The following SPTAN1 variants were observed in gnomAD, a reference collection of about 807,000 sequenced individuals.
SPTAN1 encodes the protein spectrin alpha chain, non-erythrocytic 1.
In SPTAN1, 61 loss-of-function variants were observed where a neutral mutation model predicts 331.3. That is an observed-to-expected ratio of 0.18 (90% CI 0.15 to 0.23). SPTAN1 has a LOEUF of 0.23. SPTAN1 is among the 10% of genes least tolerant of loss of function. The pLI is 1.00. For synonymous variants in SPTAN1, 1,153 were observed against 1,173.9 expected, an observed-to-expected ratio of 0.98 and a Z score of 0.36; for missense variants, 2,043 against 3,147.9, an observed-to-expected ratio of 0.65 and a Z score of 8.40.
At chr9:128,628,481 A>G in intron 51 of SPTAN1, 1 of 315,184 alleles carries the variant, frequency 3.2e-6, no homozygotes, top group South Asian at 2.7e-5. Context: ...GTCCGCCCTA[A>G]TAGAAGGCAA....
chr9:128,586,469 C>A (rs1852650654), intron 19 of SPTAN1, among the ~76,000 whole-genome samples: 1 of 152,000 alleles, frequency 6.6e-6, no homozygotes, highest in Non-Finnish European at 1.5e-5. Context: ...GTAATCATAC[C>A]TAAAGGAGAG....
intron 45 of SPTAN1, chr9:128,621,600 C>T (rs1857865319): frequency 2.7e-6 from 1 of 376,316 alleles, no homozygotes; most frequent in African/African-American, 2.1e-5. Flanking sequence ...ACCCATAAAG[C>T]CCCACCCTGA....
At chr9:128,592,950 C>G in intron 22 of SPTAN1, 33 bp from the exon 23 acceptor site, 2 of 1,587,660 alleles carry the variant, frequency 1.3e-6, no homozygotes, top group African/African-American at 2.7e-5. Flanking sequence ...CCCACTAATT[C>G]GTGCATGCTT....
chr9:128,628,215 G>A, intron 51 of SPTAN1: 1 of 622,502 alleles, frequency 1.6e-6, no homozygotes, highest in Non-Finnish European at 3.0e-6. Context: ...GGAAGGTGAT[G>A]AAGCACGAAG....
chr9:128,591,005 C>T (rs1027900615), intron 21 of SPTAN1, among the ~76,000 whole-genome samples: 1 of 152,120 alleles, frequency 6.6e-6, no homozygotes, highest in Non-Finnish European at 1.5e-5. Context: ...GCAGGTATGG[C>T]AGGTGAGGAA....
At position 128,617,724 on chromosome 9, in the gene SPTAN1, G is replaced by A; in HGVS notation, c.5442G>A (p.Leu1814=). The A allele has an allele frequency of 6.2e-7, 1 of 1,614,160 alleles. No individual in the cohort carries two copies. Among genetic ancestry groups the A allele is most frequent in the Non-Finnish European group, 8.5e-7 (1 of 1,180,030 alleles). ...VQNLRKKHKR[L]EAELAAHEPA... ...ACCTGAGGAAGAAGCACAAGCGGCT[G>A]GAAGCAGAACTGGCTGCGCATGAGC... is the stretch of plus-strand genomic sequence containing the variant. The change falls in exon 42 of 57, where the codon CTG becomes CTA. Residue 1814 remains leucine, a synonymous_variant. Coordinates refer to ENST00000372739, the MANE Select transcript of SPTAN1 (RefSeq NM_001130438.3).
At chr9:128,566,419 T>C (rs1467370375) in intron 1 of SPTAN1, among the ~76,000 whole-genome samples, 3 of 152,172 alleles carry the variant, frequency 2.0e-5, no homozygotes, top group Non-Finnish European at 4.4e-5. Flanking sequence ...CTGTTTCCTC[T>C]GAATCCTTGA....
At position 128,632,751 on chromosome 9, in the gene SPTAN1, C is replaced by T. The variant is rs1859983364; in HGVS notation, c.7160+33C>T. 10 of 1,613,942 alleles carry T rather than the reference C, an allele frequency of 6.2e-6. No homozygotes were observed. The South Asian group carries it at 1.1e-4, about 18-fold the overall frequency. On this transcript the variant is annotated intron_variant, in intron 55 of 56. Coordinates refer to ENST00000372739, the MANE Select transcript of SPTAN1 (RefSeq NM_001130438.3). ...AATTAAGGCCAGGTGCTGTGAGCCT[C>T]TGCCCGGGGCACCCACCTGCCCTCC...
At chr9:128,591,045 T>A (rs1319476004) in intron 21 of SPTAN1, among the ~76,000 whole-genome samples, 2 of 127,942 alleles carry the variant, frequency 1.6e-5, no homozygotes, top group Non-Finnish European at 3.3e-5. Context: ...TTATAGAAAG[T>A]GATTTTAATA....
At chr9:128,557,508 A>G (rs1325109534) in intron 1 of SPTAN1, among the ~76,000 whole-genome samples, 2 of 151,920 alleles carry the variant, frequency 1.3e-5, no homozygotes, top group African/African-American at 4.9e-5. Context: ...CTGCCTGTAC[A>G]AGAAGATAGA....
chr9:128,591,827 TCCA>T (rs1324443292), intron 22 of SPTAN1, among the ~76,000 whole-genome samples: 1 of 152,226 alleles, frequency 6.6e-6, no homozygotes, highest in Non-Finnish European at 1.5e-5. Context: ...TTGTTTTTTT[TCCA>T]CCAGTGTTCA....
At chr9:128,632,527 G>A (rs781471335) in intron 54 of SPTAN1, 43 bp downstream of exon 54, 91 of 1,614,000 alleles carry the variant, frequency 5.6e-5, no homozygotes, top group Middle Eastern at 1.6e-4. Context: ...GGGGGTGTTC[G>A]GCAGCAGGGC....
chr9:128,586,413 A>G (rs1213960199), intron 19 of SPTAN1, among the ~76,000 whole-genome samples: 1 of 152,148 alleles, frequency 6.6e-6, no homozygotes, highest in Non-Finnish European at 1.5e-5. Context: ...GATGATAGGA[A>G]TGAACCACCC....
At chr9:128,598,822 G>T (rs1299622394) in intron 25 of SPTAN1, 141 bp from the exon 26 acceptor site, 8 of 772,124 alleles carry the variant, frequency 1.0e-5, no homozygotes, top group Non-Finnish European at 1.8e-5. Context: ...AATACTTGAA[G>T]CTCTGCTGGA....
intron 12 of SPTAN1, among the ~76,000 whole-genome samples, chr9:128,582,146 T>C (rs1440198139): frequency 6.6e-6 from 1 of 152,202 alleles, no homozygotes; most frequent in Admixed American, 6.5e-5. Flanking sequence ...TCAGGGTTAA[T>C]ATTAAGAGGT....
At position 128,633,634 on chromosome 9, in the gene SPTAN1, AAGAC is replaced by A. The variant is rs1260509330; in HGVS notation, c.*302_*305del. On this transcript the variant is annotated 3_prime_UTR_variant, in exon 57 of 57. Transcript: ENST00000372739. ...CTCCCCCAAATCTGTTTTCATGTAA[AAGAC>A]AAATAAATGATGACTTCCCCCAAAG... 1.2e-5 allele frequency: 16 copies of A among 1,345,698 alleles called. No individual in the cohort carries two copies. The highest frequency in any genetic ancestry group is 1.5e-5 in the Non-Finnish European group (15 of 981,002). 83.4% of individuals were successfully genotyped at this position (1,345,698 alleles called of 1,614,324 possible).
Position 128,585,979 on chromosome 9 carries a change from G to A in SPTAN1, c.2778+14G>A. On this transcript the variant is annotated intron_variant, in intron 19 of 56. Transcript: ENST00000372739. ...GACTCTGCTGAGGTAACCAGGCGTG[G>A]GAAGCGTCTCACCTGCCAGGGAAGT... 1.9e-6 allele frequency: 3 copies of A among 1,611,794 alleles called. No homozygotes were observed. The highest frequency in any genetic ancestry group is 2.5e-6 in the Non-Finnish European group (3 of 1,179,636).
chr9:128,605,028 C>A lies in SPTAN1; in HGVS notation c.3720-6C>A. On this transcript the variant is annotated splice_region_variant and splice_polypyrimidine_tract_variant and intron_variant, in intron 29 of 56. Coordinates refer to ENST00000372739, the MANE Select transcript of SPTAN1 (RefSeq NM_001130438.3). Reference sequence around the variant, plus strand: ...ATTTCTTAACCTGAATGTGTCTCGCCTTTAGAGATGCTGATGAAACCAAAG... The same window carrying A: ...ATTTCTTAACCTGAATGTGTCTCGCATTTAGAGATGCTGATGAAACCAAAG... 1.2e-6 allele frequency: 2 copies of A among 1,614,034 alleles called. No individual in the cohort carries two copies. The highest frequency in any genetic ancestry group is 1.7e-6 in the Non-Finnish European group (2 of 1,180,006).
At position 128,626,694 on chromosome 9, in the gene SPTAN1, C is replaced by G. The variant is rs765667007; in HGVS notation, c.6576+7C>G. The G allele has an allele frequency of 4.4e-6, 7 of 1,600,810 alleles. No individual in the cohort carries two copies. Among genetic ancestry groups the G allele is most frequent in the East Asian group, 2.2e-5 (1 of 44,554 alleles). On this transcript the variant is annotated splice_region_variant and intron_variant, in intron 49 of 56. Coordinates refer to ENST00000372739, the MANE Select transcript of SPTAN1 (RefSeq NM_001130438.3). The stretch of plus-strand genomic sequence containing the variant: ...CCTACAGAAAATCATCAAGGTACAC[C>G]TCCCGCTGCCCTCAGGAGCTGCTCG...
Sources: allele counts gnomAD v4.1 joint callset (sites outside exome capture counted in the v4.1 genomes callset), GRCh38; gene constraint gnomAD v4.1.1; transcripts MANE v1.5; gene names NCBI Gene and HGNC (gene_info 2026-07-23, HGNC 2026-07-21).